Variants in SIPA1L2 observed in about 807,000 individuals in gnomAD.
The protein encoded by SIPA1L2 is signal-induced proliferation-associated 1-like protein 2.
Under a neutral mutation model 163.9 loss-of-function variants are expected in SIPA1L2, and 56 were observed. The observed-to-expected ratio is 0.34, with a 90% CI of 0.28 to 0.43. SIPA1L2 has a LOEUF of 0.43. SIPA1L2 is among the 20% of genes least tolerant of loss of function. The pLI, the probability that SIPA1L2 is intolerant of heterozygous loss-of-function variation, is 1.00. For synonymous variants in SIPA1L2, 877 were observed against 865.7 expected (o/e 1.01, Z -0.23); for missense variants, 1,974 against 2,193.5 (o/e 0.90, Z 2.00).
At chr1:232,456,005 C>T (rs1572924833) in intron 10 of SIPA1L2, among the ~76,000 whole-genome samples, 1 of 152,202 alleles carries the variant, frequency 6.6e-6, no homozygotes, top group Non-Finnish European at 1.5e-5. Flanking sequence ...GGGTAGTATG[C>T]TGATTGCCTG....
At chr1:232,523,786 A>G (rs1405505691) in intron 2 of SIPA1L2, among the ~76,000 whole-genome samples, 1 of 152,210 alleles carries the variant, frequency 6.6e-6, no homozygotes, top group Non-Finnish European at 1.5e-5. Flanking sequence ...ACTAACATCA[A>G]TCAATATTGT....
chr1:232,497,264 C>G (rs1304975977), intron 3 of SIPA1L2, among the ~76,000 whole-genome samples: 2 of 152,184 alleles, frequency 1.3e-5, no homozygotes, highest in Admixed American at 6.5e-5. Flanking sequence ...ATATTTACTT[C>G]TCAAAACTCT....
At chr1:232,443,748 C>A in intron 11 of SIPA1L2, 63 bp from the exon 12 acceptor site, 2 of 1,317,804 alleles carry the variant, frequency 1.5e-6, no homozygotes, top group African/African-American at 1.5e-5. Flanking sequence ...CTTGACCTGG[C>A]CTGTTTTGTT....
chr1:232,536,468 G>C (rs1657314258), intron 2 of SIPA1L2, among the ~76,000 whole-genome samples: 2 of 152,274 alleles, frequency 1.3e-5, no homozygotes, highest in South Asian at 4.1e-4. Context: ...CATTGCTTAT[G>C]AGGAACTACT....
At position 232,514,008 on chromosome 1, in the gene SIPA1L2, C is replaced by T. The variant is rs201551246; in HGVS notation, c.1332G>A (p.Ser444=). The change falls in exon 3 of 23, where the codon TCG becomes TCA. Residue 444 remains serine (S), a synonymous_variant. Coordinates refer to ENST00000674635, the MANE Select transcript of SIPA1L2 (RefSeq NM_020808.5). ...FSSGESCSFE[S]SLSSHCTNAG... ...CATTTGTGCAGTGAGAGCTGAGTGA[C>T]GATTCGAAAGAGCAGCTTTCCCCAG... 24 of 1,614,070 alleles carry T rather than the reference C, an allele frequency of 1.5e-5. No individual in the cohort carries two copies. The highest frequency in any genetic ancestry group is 6.7e-5 in the East Asian group (3 of 44,888).
chr1:232,555,634 T>C lies in SIPA1L2; in HGVS notation c.-270+18540A>G, dbSNP rs543677860. ...AATGTAATCTAATAATTAGCATATG[T>C]AAGAGTAAAGGTCCAGACCATGACA... On this transcript the variant is annotated intron_variant, in intron 2 of 22. Transcript: ENST00000674635. Among the ~76,000 whole-genome samples, 9 of 152,226 alleles carry C rather than the reference T, an allele frequency of 5.9e-5. No individual in the cohort carries two copies. The South Asian group carries it at 1.7e-3, about 28-fold the overall frequency.
chr1:232,510,618 C>G (rs1429547513), intron 3 of SIPA1L2, among the ~76,000 whole-genome samples: 4 of 152,198 alleles, frequency 2.6e-5, no homozygotes, highest in African/African-American at 9.7e-5. Context: ...GGAAATAAAT[C>G]ACTTGCAGAG....
chr1:232,469,514 T>C (rs537246589), intron 8 of SIPA1L2, among the ~76,000 whole-genome samples: 1 of 152,308 alleles, frequency 6.6e-6, no homozygotes, highest in Non-Finnish European at 1.5e-5. Context: ...CAAGAAATAC[T>C]AGTGATGTTT....
chr1:232,415,844 C>A, intron 18 of SIPA1L2: 1 of 453,036 alleles, frequency 2.2e-6, no homozygotes, highest in Non-Finnish European at 3.7e-6. Context: ...CAGAGTCAGT[C>A]AGAACACGGG....
chr1:232,491,961 T>C (rs1665954254), intron 4 of SIPA1L2, among the ~76,000 whole-genome samples: 1 of 152,244 alleles, frequency 6.6e-6, no homozygotes, highest in African/African-American at 2.4e-5. Flanking sequence ...GAAAAGGATT[T>C]CTAATTTTGT....
chr1:232,624,874 A>G (rs762318287), intron 1 of SIPA1L2, among the ~76,000 whole-genome samples: 17 of 152,238 alleles, frequency 1.1e-4, no homozygotes, highest in Non-Finnish European at 2.1e-4. Context: ...ATTCAACACA[A>G]GAGAATACCA....
At chr1:232,589,991 G>A (rs559727248) in intron 1 of SIPA1L2, among the ~76,000 whole-genome samples, 22 of 152,296 alleles carry the variant, frequency 1.4e-4, no homozygotes, top group African/African-American at 5.1e-4. Flanking sequence ...CAAGGAGGAC[G>A]AATCACAGAA....
Position 232,586,756 on chromosome 1 carries a change from T to A in SIPA1L2, c.-318-12534A>T, listed in dbSNP as rs77992131. Among the ~76,000 whole-genome samples the A allele has an allele frequency of 5.5e-3, 837 of 152,364 alleles. 7 individuals are homozygous for A. The highest frequency in any genetic ancestry group is 0.019 in the African/African-American group (804 of 41,586). On this transcript the variant is annotated intron_variant, in intron 1 of 22. Coordinates refer to ENST00000674635, the MANE Select transcript of SIPA1L2 (RefSeq NM_020808.5). ...CAAGCAAACATCATCACTACCTAGTTACAATGCGAAACTGCTGGGAAAACA... is the reference window on the plus strand; with the variant it reads ...CAAGCAAACATCATCACTACCTAGTAACAATGCGAAACTGCTGGGAAAACA...
chr1:232,465,050 A>C lies in SIPA1L2; in HGVS notation c.2610T>G (p.Ile870Met), dbSNP rs200975807. The change falls in exon 9 of 23, where the codon ATT (isoleucine) becomes ATG (methionine). Residue 870 changes from isoleucine to methionine, a missense_variant. This residue lies in a region of SIPA1L2 where 1,079 missense variants were observed against 1,150.7 expected (regional missense o/e 0.94). Coordinates refer to ENST00000674635, the MANE Select transcript of SIPA1L2 (RefSeq NM_020808.5). This position sits in a 1 kb window ranked among gnomAD's most constrained non-coding sequence, Gnocchi z 4.1. ...CATTGGAGATCCCGAGAAGACATTC[A>C]ATGTCAGCAGACTGGCCGAAGTCCC... is the stretch of plus-strand genomic sequence containing the variant. ...IARDFGQSAD[I>M]ECLLGISNEF... 349 of 1,614,090 alleles carry C rather than the reference A, an allele frequency of 2.2e-4. No individual in the cohort carries two copies. Among genetic ancestry groups the C allele is most frequent in the Non-Finnish European group, 2.8e-4 (328 of 1,180,046 alleles).
chr1:232,418,525 C>A (rs560622606), intron 18 of SIPA1L2, among the ~76,000 whole-genome samples: 21 of 152,338 alleles, frequency 1.4e-4, no homozygotes, highest in Middle Eastern at 3.4e-3. Flanking sequence ...CGGCTGCCCA[C>A]GGAGCAGGCC....
At chr1:232,504,761 C>T (rs1558229276) in intron 3 of SIPA1L2, among the ~76,000 whole-genome samples, 1 of 152,102 alleles carries the variant, frequency 6.6e-6, no homozygotes, top group African/African-American at 2.4e-5. Flanking sequence ...GTATCTTTCA[C>T]AAAAATAAAC....
intron 10 of SIPA1L2, among the ~76,000 whole-genome samples, chr1:232,451,582 G>A (rs147548042): frequency 9.8e-5 from 15 of 152,290 alleles, no homozygotes; most frequent in African/African-American, 3.4e-4. Flanking sequence ...TTAAAGAAAA[G>A]ACTTTTGCTT....
intron 3 of SIPA1L2, among the ~76,000 whole-genome samples, chr1:232,503,925 T>C (rs12751570): frequency 1.3e-5 from 2 of 152,154 alleles, no homozygotes; most frequent in Non-Finnish European, 2.9e-5. Context: ...GCATAGTGGC[T>C]CCGGCCTATA....
chr1:232,463,750 T>C (rs1664364051), intron 9 of SIPA1L2, among the ~76,000 whole-genome samples: 1 of 152,184 alleles, frequency 6.6e-6, no homozygotes, highest in African/African-American at 2.4e-5. Context: ...TTCAAGTCAA[T>C]TCTCTAGGTA....
Sources: allele counts gnomAD v4.1 joint callset (sites outside exome capture counted in the v4.1 genomes callset), GRCh38; gene constraint gnomAD v4.1.1; regional missense constraint gnomAD v4.1.1; non-coding constraint Gnocchi (gnomAD v3.1); transcripts MANE v1.5; gene names NCBI Gene and HGNC (gene_info 2026-07-23, HGNC 2026-07-21).